The following CCDC149 variants were observed in gnomAD, a reference collection of about 807,000 sequenced individuals.
CCDC149 encodes the protein coiled-coil domain containing 149.
In CCDC149, 45 loss-of-function variants were observed where a neutral mutation model predicts 59.9. The ratio of observed to expected loss-of-function variants is 0.75; its 90% CI spans 0.59 to 0.96. The LOEUF (loss-of-function observed/expected upper bound fraction) is 0.96, where lower values mean the gene tolerates loss of function less well. Among genes scored for constraint, CCDC149 ranks in the 40% least tolerant of loss-of-function variants. The probability of loss-of-function intolerance (pLI) is 0.00; values close to 1 mark genes in which losing one functional copy is unlikely to be tolerated. For missense variants in CCDC149, 584 were observed against 664.7 expected (o/e 0.88, Z 1.33); for synonymous variants, 245 against 260.6 (o/e 0.94, Z 0.58).
chr4:24,803,753 C>T (rs1713991443), downstream of CCDC149, among the ~76,000 whole-genome samples: 1 of 152,188 alleles, frequency 6.6e-6, no homozygotes. This position sits in a 1 kb window ranked among gnomAD's most constrained non-coding sequence, Gnocchi z 4.3. Context: ...ACATAGATTC[C>T]AGAAAGTCAA....
chr4:24,910,415 TG>T (rs1577478495), intron 1 of CCDC149, among the ~76,000 whole-genome samples: 1 of 152,124 alleles, frequency 6.6e-6, no homozygotes, highest in Non-Finnish European at 1.5e-5. Context: ...TTGCAGCTAC[TG>T]GGGTTAGGTC....
intron 1 of CCDC149, among the ~76,000 whole-genome samples, chr4:24,944,655 A>T (rs1723053836): frequency 6.6e-6 from 1 of 152,140 alleles, no homozygotes; most frequent in Non-Finnish European, 1.5e-5. Flanking sequence ...GCAGAGCTAA[A>T]ACCTAGATGA....
chr4:24,959,280 A>G (rs1723569756), intron 1 of CCDC149, among the ~76,000 whole-genome samples: 1 of 151,036 alleles, frequency 6.6e-6, no homozygotes, highest in Admixed American at 6.6e-5. Context: ...GGTCAAAAAA[A>G]GTTTTTTTAA....
chr4:24,918,321 G>A (rs554080876), intron 1 of CCDC149, among the ~76,000 whole-genome samples: 32 of 152,288 alleles, frequency 2.1e-4, no homozygotes, highest in African/African-American at 7.5e-4. Context: ...AAGGTGAAAA[G>A]GTGGCATTTC....
At chr4:24,876,778 T>C in intron 1 of CCDC149, 81 bp from the exon 2 acceptor site, 4 of 1,386,888 alleles carry the variant, frequency 2.9e-6, no homozygotes, top group East Asian at 2.5e-5. Flanking sequence ...TCACACACCC[T>C]GTGGGGAATT....
At chr4:24,871,837 A>G (rs551577115) in intron 3 of CCDC149, among the ~76,000 whole-genome samples, 2 of 152,344 alleles carry the variant, frequency 1.3e-5, no homozygotes, top group Admixed American at 1.3e-4. Flanking sequence ...ACTGGAATTC[A>G]TCAGATTCTC....
chr4:24,901,000 C>T (rs537568945), intron 1 of CCDC149, among the ~76,000 whole-genome samples: 1 of 152,320 alleles, frequency 6.6e-6, no homozygotes, highest in African/African-American at 2.4e-5. Flanking sequence ...GGAGCCACCA[C>T]TGAAGGTTTC....
chr4:24,898,794 G>A (rs929247300), intron 1 of CCDC149, among the ~76,000 whole-genome samples: 1 of 152,156 alleles, frequency 6.6e-6, no homozygotes, highest in Non-Finnish European at 1.5e-5. Flanking sequence ...GACCCAAGGG[G>A]AGTCTGTGAC....
intron 1 of CCDC149, among the ~76,000 whole-genome samples, chr4:24,939,922 G>A (rs1722904177): frequency 6.6e-6 from 1 of 152,242 alleles, no homozygotes; most frequent in South Asian, 2.1e-4. Context: ...CGTCTCATTG[G>A]CGTACCTGAA....
At chr4:24,948,824 T>C (rs1040006963) in intron 1 of CCDC149, among the ~76,000 whole-genome samples, 1 of 152,088 alleles carries the variant, frequency 6.6e-6, no homozygotes, top group Non-Finnish European at 1.5e-5. Context: ...TGAGGGTGGG[T>C]CTTTCTTGTG....
At chr4:24,935,882 G>A (rs1036163439) in intron 1 of CCDC149, among the ~76,000 whole-genome samples, 1 of 151,992 alleles carries the variant, frequency 6.6e-6, no homozygotes, top group Non-Finnish European at 1.5e-5. Context: ...GAAACTGAAC[G>A]GAACCTAGAA....
chr4:24,941,643 C>T (rs1402096893), intron 1 of CCDC149, among the ~76,000 whole-genome samples: 1 of 151,922 alleles, frequency 6.6e-6, no homozygotes, highest in Admixed American at 6.5e-5. Context: ...AATTGATAGG[C>T]CACTAGCAAG....
At chr4:24,955,041 T>C (rs553773540) in intron 1 of CCDC149, among the ~76,000 whole-genome samples, 7 of 152,232 alleles carry the variant, frequency 4.6e-5, no homozygotes, top group Non-Finnish European at 1.0e-4. Flanking sequence ...GTATTTGTTA[T>C]AGCAACACCC....
chr4:24,843,835 G>A (rs1168676347), intron 4 of CCDC149, among the ~76,000 whole-genome samples: 1 of 152,122 alleles, frequency 6.6e-6, no homozygotes, highest in East Asian at 1.9e-4. Flanking sequence ...TAGGGCTGAA[G>A]AGGCACAATA....
chr4:24,950,463 G>C (rs1217530521), intron 1 of CCDC149, among the ~76,000 whole-genome samples: 1 of 152,188 alleles, frequency 6.6e-6, no homozygotes, highest in Non-Finnish European at 1.5e-5. Context: ...TTTCAGTATG[G>C]ACCCCAAATC....
intron 2 of CCDC149, among the ~76,000 whole-genome samples, chr4:24,875,756 T>A (rs532005174): frequency 6.6e-6 from 1 of 152,176 alleles, no homozygotes; most frequent in Non-Finnish European, 1.5e-5. Flanking sequence ...CCTATTTTAC[T>A]TAATTCTAAT....
At chr4:24,875,732 G>A (rs1271012214) in intron 2 of CCDC149, among the ~76,000 whole-genome samples, 1 of 152,138 alleles carries the variant, frequency 6.6e-6, no homozygotes, top group Non-Finnish European at 1.5e-5. Context: ...CATTGAGACT[G>A]AGCAATAGAG....
At chr4:24,952,450 G>A (rs944874247) in intron 1 of CCDC149, among the ~76,000 whole-genome samples, 1 of 150,980 alleles carries the variant, frequency 6.6e-6, no homozygotes. Context: ...CAATTATCCA[G>A]GCATGGTTGC....
chr4:24,813,324 C>T (rs1444108372), intron 12 of CCDC149, among the ~76,000 whole-genome samples: 8 of 151,844 alleles, frequency 5.3e-5, no homozygotes, highest in Admixed American at 5.3e-4. Flanking sequence ...GTTGAAAACA[C>T]TCAGTCTATG....
Sources: gnomAD v4.1 joint callset for allele counts (sites outside exome capture counted in the v4.1 genomes callset) on GRCh38, gnomAD v4.1.1 for gene constraint, Gnocchi (gnomAD v3.1) non-coding constraint, MANE v1.5 for transcripts, NCBI Gene and HGNC (gene_info 2026-07-23, HGNC 2026-07-21) for gene names.